Variants in UBXN4 observed in about 807,000 individuals in gnomAD.
The protein encoded by UBXN4 is UBX domain-containing protein 4.
UBXN4 carries 35 observed loss-of-function variants against 66.2 expected under a neutral mutation model. That is an observed-to-expected ratio of 0.53 (90% CI 0.40 to 0.70). The LOEUF (loss-of-function observed/expected upper bound fraction) is 0.70, where lower values mean the gene tolerates loss of function less well. Ranked by LOEUF, UBXN4 falls within the 30% of genes least tolerant of loss-of-function variation. UBXN4 has a pLI of 0.00. For synonymous variants in UBXN4, 203 were observed against 204.5 expected (o/e 0.99, Z 0.06); for missense variants, 533 against 599.8 (o/e 0.89, Z 1.16).
chr2:135,770,436 A>G (rs2304600), intron 7 of UBXN4, 135 bp from the exon 8 acceptor site: 528,765 of 536,036 alleles, frequency 0.99, 261,035 homozygotes, highest in Non-Finnish European at 1. Flanking sequence ...ACCATTAACC[A>G]TGCCATTAAT....
Position 135,780,170 on chromosome 2 carries a change from T to G in UBXN4, c.1186-13T>G. On this transcript the variant is annotated splice_polypyrimidine_tract_variant and intron_variant, in intron 11 of 12. Transcript: ENST00000272638. Reference sequence around the variant, plus strand: ...AACGTAGTCTTTATCTAGGTTTGTTTATTAATTTCTAGGCAGGAAGACCAA... The same window carrying G: ...AACGTAGTCTTTATCTAGGTTTGTTGATTAATTTCTAGGCAGGAAGACCAA... The G allele has an allele frequency of 6.2e-7, 1 of 1,613,840 alleles. No individual in the cohort carries two copies. Among genetic ancestry groups the G allele is most frequent in the South Asian group, 1.1e-5 (1 of 91,070 alleles).
At chr2:135,780,105 A>G (rs2077440513) in intron 11 of UBXN4, 78 bp from the exon 12 acceptor site, 1 of 1,431,510 alleles carries the variant, frequency 7.0e-7, no homozygotes, top group Admixed American at 1.9e-5. Flanking sequence ...TTTCCAGATA[A>G]AAGTTTCATC....
In UBXN4 at chr2:135,784,715, T is replaced by C. The variant is rs1361662249; in HGVS notation, c.*1828T>C. 6.6e-6 allele frequency: 1 copy of C among 152,648 alleles called. No homozygotes were observed. The highest frequency in any genetic ancestry group is 1.5e-5 in the Non-Finnish European group (1 of 68,034). 9.5% of individuals were successfully genotyped at this position (152,648 alleles called of 1,614,324 possible). On this transcript the variant is annotated 3_prime_UTR_variant, in exon 13 of 13. Transcript: ENST00000272638. Reference sequence around the variant, plus strand: ...CAAATAGGTGTGACCCTACTAATAATTATTAGAAATACATTTAAAAACATC... The same window carrying C: ...CAAATAGGTGTGACCCTACTAATAACTATTAGAAATACATTTAAAAACATC...
chr2:135,763,669 T>A (rs2105500770), intron 6 of UBXN4, among the ~76,000 whole-genome samples: 1 of 149,794 alleles, frequency 6.7e-6, no homozygotes, highest in Admixed American at 6.7e-5. Flanking sequence ...TACAAAAAAA[T>A]ACAAAAATTA....
intron 10 of UBXN4, among the ~76,000 whole-genome samples, chr2:135,777,711 C>T (rs1282995608): frequency 1.3e-5 from 2 of 151,346 alleles, no homozygotes; most frequent in Non-Finnish European, 1.5e-5. Flanking sequence ...ATGGTGACCC[C>T]ATCTATTCTA....
At chr2:135,780,133 T>A (rs750951064) in intron 11 of UBXN4, 50 bp from the exon 12 acceptor site, 4 of 1,567,988 alleles carry the variant, frequency 2.6e-6, no homozygotes, top group Non-Finnish European at 3.5e-6. Flanking sequence ...TTGGGCGTGA[T>A]GTGATTGTGC....
At chr2:135,753,501 GC>G in intron 2 of UBXN4, 37 bp from the exon 3 acceptor site, 1 of 1,504,040 alleles carries the variant, frequency 6.6e-7, no homozygotes, top group Non-Finnish European at 8.8e-7. Context: ...GAAAATACTT[GC>G]ATTCATCTAG....
At chr2:135,752,311 T>C (rs1222211442) in intron 2 of UBXN4, among the ~76,000 whole-genome samples, 2 of 152,140 alleles carry the variant, frequency 1.3e-5, no homozygotes. Flanking sequence ...CCTCCCAAAG[T>C]GCTGGGATTA....
rs1348957741 is a variant in UBXN4, at chr2:135,745,688, T to G, written c.83-2579T>G. ...ATATTCTCATATACTTATTTTTCTT[T>G]GGTAGGTGAGTCATTTATTTGGAAT... On this transcript the variant is annotated intron_variant, in intron 1 of 12. Transcript: ENST00000272638. Among the ~76,000 whole-genome samples, 3 of 152,236 alleles carry G rather than the reference T, an allele frequency of 2.0e-5. No individual in the cohort carries two copies. In the East Asian group the frequency reaches 5.8e-4, roughly 29 times the overall value.
At chr2:135,755,208 A>G (rs371574497) in intron 4 of UBXN4, among the ~76,000 whole-genome samples, 2 of 151,930 alleles carry the variant, frequency 1.3e-5, no homozygotes, top group African/African-American at 4.9e-5. Flanking sequence ...TATACTCAAT[A>G]ATTAATCATT....
intron 10 of UBXN4, 45 bp downstream of exon 10, chr2:135,776,396 A>G (rs2105508186): frequency 6.5e-7 from 1 of 1,528,664 alleles, no homozygotes; most frequent in Middle Eastern, 1.7e-4. Flanking sequence ...TGTGTAGGTT[A>G]CTAAATTATA....
At chr2:135,774,716 A>G (rs907657268) in intron 9 of UBXN4, among the ~76,000 whole-genome samples, 2 of 152,130 alleles carry the variant, frequency 1.3e-5, no homozygotes, top group Non-Finnish European at 2.9e-5. Flanking sequence ...ATGGTGGTGC[A>G]CACCAGTAAT....
At position 135,784,167 on chromosome 2, in the gene UBXN4, C is replaced by T. The variant is rs1194750197; in HGVS notation, c.*1280C>T. ...TATCAGAAACTTAAAATATTTCATA[C>T]CGTTTGATCCAGTAGCTTCTTCTAA... On this transcript the variant is annotated 3_prime_UTR_variant, in exon 13 of 13. Coordinates refer to ENST00000272638, the MANE Select transcript of UBXN4 (RefSeq NM_014607.4). The T allele has an allele frequency of 6.6e-6, 1 of 152,200 alleles. No homozygotes were observed. Among genetic ancestry groups the T allele is most frequent in the Non-Finnish European group, 1.5e-5 (1 of 68,034 alleles). The allele number at this position is 152,200 out of a possible 1,614,324, so 9.4% of individuals were successfully genotyped here. A position where few individuals can be genotyped will look rare whatever the true frequency, so the allele number is the denominator to read the frequency against.
In UBXN4 at chr2:135,784,514, G is replaced by A. The variant is rs1041559231; in HGVS notation, c.*1627G>A. On this transcript the variant is annotated 3_prime_UTR_variant, in exon 13 of 13. Transcript: ENST00000272638. The stretch of plus-strand genomic sequence containing the variant: ...TAATAATGGTAAGATTGGTTTATGT[G>A]ATTTTAGTGGTATTTTTGGCACCCT... 6.6e-6 allele frequency: 1 copy of A among 152,318 alleles called. No homozygotes were observed. The highest frequency in any genetic ancestry group is 2.4e-5 in the African/African-American group (1 of 41,414). The allele number at this position is 152,318 out of a possible 1,614,324, so 9.4% of individuals were successfully genotyped here.
chr2:135,771,653 C>A (rs113236822), intron 8 of UBXN4, among the ~76,000 whole-genome samples: 2 of 152,278 alleles, frequency 1.3e-5, no homozygotes, highest in African/African-American at 2.4e-5. Flanking sequence ...ACTTCCACCT[C>A]CCGAGTTCAA....
At chr2:135,744,683 T>A (rs767615809) in intron 1 of UBXN4, among the ~76,000 whole-genome samples, 1 of 152,278 alleles carries the variant, frequency 6.6e-6, no homozygotes, top group Middle Eastern at 3.4e-3. Flanking sequence ...TGCTTCTGAG[T>A]TCGTGTTGCT....
At chr2:135,745,751 T>C (rs898071616) in intron 1 of UBXN4, among the ~76,000 whole-genome samples, 1 of 152,196 alleles carries the variant, frequency 6.6e-6, no homozygotes, top group Non-Finnish European at 1.5e-5. Flanking sequence ...TGAAGATGCA[T>C]TTAGAGTGAT....
intron 5 of UBXN4, among the ~76,000 whole-genome samples, chr2:135,756,250 C>A (rs2077278094): frequency 6.6e-6 from 1 of 151,934 alleles, no homozygotes. Context: ...TATTAGGCAA[C>A]CGAGGGGTAA....
At chr2:135,747,659 C>T (rs576323693) in intron 1 of UBXN4, 19 of 456,400 alleles carry the variant, frequency 4.2e-5, no homozygotes, top group South Asian at 6.2e-5. Flanking sequence ...TCTCTCTAGA[C>T]GGTCTCACTG....
Sources: gnomAD v4.1 joint callset for allele counts (sites outside exome capture counted in the v4.1 genomes callset) on GRCh38, gnomAD v4.1.1 for gene constraint, MANE v1.5 for transcripts, NCBI Gene and HGNC (gene_info 2026-07-23, HGNC 2026-07-21) for gene names.